Variants in P2RX3 observed in about 807,000 individuals in gnomAD.
The protein encoded by P2RX3 is purinergic receptor P2X 3, also known as P2X purinoceptor 3.
In P2RX3, 41 loss-of-function variants were observed where a neutral mutation model predicts 51.5. That is an observed-to-expected ratio of 0.80 (90% CI 0.62 to 1.03). P2RX3 has a LOEUF of 1.03. Ranked by LOEUF, P2RX3 falls within the 50% of genes least tolerant of loss-of-function variation. The probability of loss-of-function intolerance (pLI) is 0.00; values close to 1 mark genes in which losing one functional copy is unlikely to be tolerated. For synonymous variants in P2RX3, 185 were observed against 191.6 expected (o/e 0.97, Z 0.29); for missense variants, 459 against 522.1 (o/e 0.88, Z 1.18).
chr11:57,367,932 G>A (rs1856820472), intron 8 of P2RX3, 77 bp from the exon 9 acceptor site: 1 of 1,150,078 alleles, frequency 8.7e-7, no homozygotes, highest in Non-Finnish European at 1.3e-6. Context: ...AAGACACAGG[G>A]CTCTGGAGGA....
chr11:57,343,280 T>C (rs1308041234), intron 1 of P2RX3, among the ~76,000 whole-genome samples: 2 of 152,182 alleles, frequency 1.3e-5, no homozygotes, highest in African/African-American at 4.8e-5. Context: ...AGGAGATTGG[T>C]TGATTGTTCC....
At chr11:57,351,697 C>T (rs1298408217) in intron 8 of P2RX3, among the ~76,000 whole-genome samples, 2 of 152,046 alleles carry the variant, frequency 1.3e-5, no homozygotes, top group African/African-American at 4.8e-5. Flanking sequence ...TTTCTCTCTT[C>T]TTTTTTTTCT....
chr11:57,370,161 C>T lies in P2RX3; in HGVS notation c.*164C>T. ...CTGGGCCTCCGACTGCTCCAGCAGA[C>T]AGGCAGTGCTCCCTGCTGAGACCCC... is the stretch of plus-strand genomic sequence containing the variant. On this transcript the variant is annotated 3_prime_UTR_variant, in exon 12 of 12. Coordinates refer to ENST00000263314, the MANE Select transcript of P2RX3 (RefSeq NM_002559.5). The T allele has an allele frequency of 1.7e-6, 1 of 599,924 alleles. No individual in the cohort carries two copies. Among genetic ancestry groups the T allele is most frequent in the Non-Finnish European group, 3.0e-6 (1 of 336,478 alleles). The allele number at this position is 599,924 out of a possible 1,614,324, so 37.2% of individuals were successfully genotyped here. A position where few individuals can be genotyped will look rare whatever the true frequency, so the allele number is the denominator to read the frequency against.
At position 57,338,558 on chromosome 11, in the gene P2RX3, G is replaced by T. The variant is rs1565058948; in HGVS notation, c.8G>T (p.Cys3Phe). Residue 3 changes from cysteine to phenylalanine, a missense_variant, in exon 1 of 12, where the codon TGC becomes TTC. Cys to Phe is a radical substitution (Grantham distance 205). Transcript: ENST00000263314. ...CCTGAGCACTCTCTCAGCATGAACTGCATATCCGACTTCTTCACCTATGAG... is the reference window on the plus strand; with the variant it reads ...CCTGAGCACTCTCTCAGCATGAACTTCATATCCGACTTCTTCACCTATGAG... MN[C>F]ISDFFTYETT... 6.3e-7 allele frequency: 1 copy of T among 1,585,962 alleles called. No homozygotes were observed. The highest frequency in any genetic ancestry group is 1.1e-5 in the South Asian group (1 of 89,722).
chr11:57,338,814 G>T, intron 1 of P2RX3, 145 bp downstream of exon 1: 1 of 595,796 alleles, frequency 1.7e-6, no homozygotes, highest in Non-Finnish European at 3.0e-6. Context: ...GAGTCTTAAA[G>T]ACTGGCCTCT....
chr11:57,355,961 T>C (rs979626674), intron 8 of P2RX3, among the ~76,000 whole-genome samples: 1 of 152,140 alleles, frequency 6.6e-6, no homozygotes, highest in Non-Finnish European at 1.5e-5. Flanking sequence ...AGCCAGGAGT[T>C]TGAGACCAGC....
chr11:57,365,723 G>A (rs1276857956), intron 8 of P2RX3, among the ~76,000 whole-genome samples: 1 of 152,208 alleles, frequency 6.6e-6, no homozygotes, highest in Non-Finnish European at 1.5e-5. Context: ...ACAAGTGGGG[G>A]AGCCAGGATT....
rs866132498 is a variant in P2RX3 at position 57,343,201 on chromosome 11, G to A, written c.120-3343G>A. 7.2e-5 allele frequency among the ~76,000 whole-genome samples: 11 copies of A among 152,348 alleles called. 1 individual carries two copies. The Middle Eastern group carries it at 0.01, about 141-fold the overall frequency. On this transcript the variant is annotated intron_variant, in intron 1 of 11. Coordinates refer to ENST00000263314, the MANE Select transcript of P2RX3 (RefSeq NM_002559.5). ...CCACTTGTTATTTAAGTCAGAGAGA[G>A]AATTCTAATGTGGCCTCTCCACCCC...
At position 57,347,111 on chromosome 11, in the gene P2RX3, C is replaced by T; in HGVS notation, c.256-5C>T. ...TGTTTTTCTCTCCCTTCTTCTCCTC[C>T]CAAGGGCACCTCGGTCTTTGTCATC... On this transcript the variant is annotated splice_region_variant and splice_polypyrimidine_tract_variant and intron_variant, in intron 2 of 11. Coordinates refer to ENST00000263314, the MANE Select transcript of P2RX3 (RefSeq NM_002559.5). The T allele has an allele frequency of 6.2e-7, 1 of 1,613,306 alleles. No individual in the cohort carries two copies. The highest frequency in any genetic ancestry group is 8.5e-7 in the Non-Finnish European group (1 of 1,179,654).
chr11:57,369,932 C>T lies in P2RX3; in HGVS notation c.1129C>T (p.Pro377Ser), dbSNP rs748221834. 5.6e-6 allele frequency: 9 copies of T among 1,614,052 alleles called. No individual in the cohort carries two copies. Among genetic ancestry groups the T allele is most frequent in the Middle Eastern group, 1.6e-4 (1 of 6,062 alleles). The change falls in exon 12 of 12, where the codon CCC becomes TCC. Residue 377 changes from proline to serine, a missense_variant. Pro to Ser is a moderately conservative substitution (Grantham distance 74). Coordinates refer to ENST00000263314, the MANE Select transcript of P2RX3 (RefSeq NM_002559.5). ...CGCGGCTTTGACCAACCCAGTGTAC[C>T]CCAGCGACCAGACCACAGCGGAGAA... Reference protein sequence around the residue: ...KIAALTNPVYPSDQTTAEKQS... With the variant: ...KIAALTNPVYSSDQTTAEKQS...
upstream of P2RX3, among the ~76,000 whole-genome samples, chr11:57,337,295 A>G (rs1291879820): frequency 4.4e-5 from 6 of 136,676 alleles, no homozygotes; most frequent in African/African-American, 1.4e-4. Flanking sequence ...CTGTCAAAAA[A>G]AAAAAAAAAA....
intron 8 of P2RX3, among the ~76,000 whole-genome samples, chr11:57,351,483 G>GGTTTT (rs368814950): frequency 6.6e-6 from 1 of 152,138 alleles, no homozygotes; most frequent in Admixed American, 6.5e-5. Flanking sequence ...GATCTTTTCG[G>GGTTTT]GTTTTGTTTT....
upstream of P2RX3, among the ~76,000 whole-genome samples, chr11:57,337,289 C>CAAAAAAAAAA (rs36169095): frequency 3.7e-5 from 1 of 26,768 alleles, no homozygotes; most frequent in African/African-American, 1.6e-4. Flanking sequence ...GAGACTCTGT[C>CAAAAAAAAAA]AAAAAAAAAA....
intron 8 of P2RX3, among the ~76,000 whole-genome samples, chr11:57,353,840 C>G (rs893491581): frequency 2.8e-4 from 8 of 28,448 alleles, no homozygotes; most frequent in African/African-American, 5.4e-4. Flanking sequence ...ATGTCACTCC[C>G]CCCCCCCCGC....
chr11:57,348,807 C>G, intron 6 of P2RX3, 103 bp downstream of exon 6: 2 of 808,360 alleles, frequency 2.5e-6, no homozygotes, highest in South Asian at 3.3e-5. Context: ...GTTCTTCCCA[C>G]TTTCGCTCCA....
intron 1 of P2RX3, among the ~76,000 whole-genome samples, chr11:57,342,042 T>A (rs944769905): frequency 3.3e-5 from 5 of 151,272 alleles, no homozygotes; most frequent in African/African-American, 1.2e-4. Context: ...CTCCACTCCA[T>A]CCTCTCAGCC....
rs1856509276 is a variant in P2RX3 at position 57,349,755 on chromosome 11, A to T, written c.564-2A>T. On this transcript the variant is annotated splice_acceptor_variant, in intron 6 of 11. Coordinates refer to ENST00000263314, the MANE Select transcript of P2RX3 (RefSeq NM_002559.5). LOFTEE classifies it high-confidence loss of function. ...CTGACCTCTCTCTCTGCTCCTCCCC[A>T]GGGGAAACCTCCTTCCCAACCTGAC... is the stretch of plus-strand genomic sequence containing the variant. 3 of 1,614,090 alleles carry T rather than the reference A, an allele frequency of 1.9e-6. No homozygotes were observed. Among genetic ancestry groups the T allele is most frequent in the Non-Finnish European group, 2.5e-6 (3 of 1,179,988 alleles).
At chr11:57,348,784 C>A (rs1031924367) in intron 6 of P2RX3, 80 bp downstream of exon 6, 1 of 987,168 alleles carries the variant, frequency 1.0e-6, no homozygotes, top group Non-Finnish European at 1.6e-6. Flanking sequence ...AGTGGAGATG[C>A]CCCCTCGCCA....
chr11:57,364,876 T>G (rs76525453), intron 8 of P2RX3, among the ~76,000 whole-genome samples: 2,820 of 152,250 alleles, frequency 0.019, 36 homozygotes, highest in Middle Eastern at 0.034. Context: ...CCTTCCAAGG[T>G]CCACTCTCAT....
Sources: gnomAD v4.1 joint callset for allele counts (sites outside exome capture counted in the v4.1 genomes callset) on GRCh38, gnomAD v4.1.1 for gene constraint, MANE v1.5 for transcripts, NCBI Gene and HGNC (gene_info 2026-07-23, HGNC 2026-07-21) for gene names.